Variants in TXNDC11 observed in about 807,000 individuals in gnomAD.
TXNDC11 encodes thioredoxin domain-containing protein 11.
In TXNDC11, 68 loss-of-function variants were observed where a neutral mutation model predicts 78.0. The observed-to-expected ratio is 0.87, with a 90% CI of 0.72 to 1.07. The LOEUF is 1.07. TXNDC11 is among the 50% of genes least tolerant of loss of function. The pLI, the probability that TXNDC11 is intolerant of heterozygous loss-of-function variation, is 0.00. For synonymous variants in TXNDC11, 571 were observed against 495.2 expected (o/e 1.15, Z -2.03); for missense variants, 1,389 against 1,221.8 (o/e 1.14, Z -2.04).
rs552963155 is a variant in TXNDC11, at chr16:11,730,783, A to AAAAAAT, written c.570-15_570-10dup. The AAAAAAT allele has an allele frequency of 2.1e-5, 32 of 1,530,500 alleles. No individual in the cohort carries two copies. In the Middle Eastern group the frequency reaches 8.8e-4, roughly 42 times the overall value. The allele number at this position is 1,530,500 out of a possible 1,614,324, so 94.8% of individuals were successfully genotyped here. On this transcript the variant is annotated splice_polypyrimidine_tract_variant and intron_variant, in intron 3 of 11. Coordinates refer to ENST00000283033, the MANE Select transcript of TXNDC11 (RefSeq NM_015914.7). ...ATTCGATTGGTCCAAAACTAGTACCAAAAAATAAAAATAAAAATAAAAATA... is the reference window on the plus strand; with the variant it reads ...ATTCGATTGGTCCAAAACTAGTACCAAAAAATAAAAATAAAAATAAAAATAAAAATA...
chr16:11,713,752 A>G (rs950618383), intron 5 of TXNDC11, among the ~76,000 whole-genome samples: 3 of 152,054 alleles, frequency 2.0e-5, no homozygotes, highest in Non-Finnish European at 4.4e-5. Flanking sequence ...ATTTTAATCT[A>G]TATTAGTCAG....
chr16:11,688,870 C>T (rs1197706177), intron 8 of TXNDC11, among the ~76,000 whole-genome samples: 2 of 152,100 alleles, frequency 1.3e-5, no homozygotes, highest in Non-Finnish European at 2.9e-5. Context: ...TGTTTAAATG[C>T]TCATTAATTT....
chr16:11,686,561 C>G (rs1481315992), intron 10 of TXNDC11, among the ~76,000 whole-genome samples: 1 of 152,172 alleles, frequency 6.6e-6, no homozygotes, highest in African/African-American at 2.4e-5. Flanking sequence ...TGGCAATGTA[C>G]TCATTCCATT....
chr16:11,709,406 C>T (rs1428842736), intron 5 of TXNDC11, among the ~76,000 whole-genome samples: 3 of 143,872 alleles, frequency 2.1e-5, no homozygotes, highest in Non-Finnish European at 3.0e-5. Context: ...CACCACCATG[C>T]GTAGCTAATT....
chr16:11,740,924 C>A (rs919835849), intron 1 of TXNDC11, among the ~76,000 whole-genome samples: 1 of 152,156 alleles, frequency 6.6e-6, no homozygotes, highest in African/African-American at 2.4e-5. Flanking sequence ...CCCAAGCAGG[C>A]AATTTTGCTC....
intron 5 of TXNDC11, among the ~76,000 whole-genome samples, chr16:11,714,046 A>AT (rs34976718): frequency 0.47 from 69,397 of 148,546 alleles, 16,214 homozygotes; most frequent in Middle Eastern, 0.56. Flanking sequence ...TATCCTTCAG[A>AT]TTTTTTTTTT....
At chr16:11,731,489 C>T (rs2052044836) in intron 3 of TXNDC11, among the ~76,000 whole-genome samples, 1 of 152,122 alleles carries the variant, frequency 6.6e-6, no homozygotes, top group Non-Finnish European at 1.5e-5. Flanking sequence ...CAGTCTCACA[C>T]AATACAGACA....
Position 11,691,848 on chromosome 16 carries a change from G to C in TXNDC11, c.1342C>G (p.Gln448Glu). 1.2e-6 allele frequency: 2 copies of C among 1,614,252 alleles called. No individual in the cohort carries two copies. Among genetic ancestry groups the C allele is most frequent in the Non-Finnish European group, 1.7e-6 (2 of 1,180,044 alleles). The change falls in exon 8 of 12, where the codon CAG (glutamine) becomes GAG (glutamate). Residue 448 changes from glutamine (Q) to glutamate (E), a missense_variant. Physicochemically the swap from Gln to Glu is conservative, Grantham distance 29. Coordinates refer to ENST00000283033, the MANE Select transcript of TXNDC11 (RefSeq NM_015914.7). ...CTCGGCTTCATGCCCCCGGAGGTCT[G>C]GTTGACACAGAGTTCACAGACGTTG... ...THNVCELCVN[Q>E]TSGGMKPSSV...
At chr16:11,687,632 T>C (rs1204663180) in intron 10 of TXNDC11, among the ~76,000 whole-genome samples, 7 of 152,146 alleles carry the variant, frequency 4.6e-5, no homozygotes, top group Non-Finnish European at 1.0e-4. Flanking sequence ...ACGAATCTAG[T>C]CAGGGCTAAA....
At position 11,742,517 on chromosome 16, in the gene TXNDC11, G is replaced by C. The variant is rs1471534412; in HGVS notation, c.214C>G (p.Leu72Val). ...AGGGCGAGGAGCAGCGCGCAGCCGA[G>C]CGCCACGGCCCCGCAGAGCAGCTCC... ...RPELLCGAVALGCALLLALKF... is the reference protein window; with the variant it reads ...RPELLCGAVAVGCALLLALKF... Residue 72 changes from leucine to valine, a missense_variant, in exon 1 of 12, where the codon CTC becomes GTC. Transcript: ENST00000283033. 1 of 1,456,330 alleles carries C rather than the reference G, an allele frequency of 6.9e-7. No homozygotes were observed. Among genetic ancestry groups the C allele is most frequent in the East Asian group, 3.0e-5 (1 of 33,438 alleles). The allele number at this position is 1,456,330 out of a possible 1,614,324, so 90.2% of individuals were successfully genotyped here. A position where few individuals can be genotyped will look rare whatever the true frequency, so the allele number is the denominator to read the frequency against.
intron 4 of TXNDC11, among the ~76,000 whole-genome samples, chr16:11,726,303 C>T (rs938852828): frequency 2.0e-5 from 3 of 152,134 alleles, no homozygotes; most frequent in African/African-American, 4.8e-5. Context: ...CACTCTTCGG[C>T]CGTGTGCGGT....
At position 11,734,028 on chromosome 16, in the gene TXNDC11, G is replaced by C; in HGVS notation, c.523C>G (p.Gln175Glu). ...ACAGGAAAATAAAAGAAGTGTTTCT[G>C]TTTTCTGCATTTCCCCTGGTTCCAC... ...CWWNQGKCRKQKHFFYFPVIY... is the reference protein window; with the variant it reads ...CWWNQGKCRKEKHFFYFPVIY... The change falls in exon 3 of 12, where the codon CAG (glutamine) becomes GAG (glutamate). Residue 175 changes from glutamine to glutamate, a missense_variant. Transcript: ENST00000283033. 6.2e-7 allele frequency: 1 copy of C among 1,605,784 alleles called. No individual in the cohort carries two copies. The highest frequency in any genetic ancestry group is 8.5e-7 in the Non-Finnish European group (1 of 1,178,336).
chr16:11,686,270 T>C (rs753315490), intron 10 of TXNDC11, among the ~76,000 whole-genome samples: 3 of 152,370 alleles, frequency 2.0e-5, no homozygotes, highest in South Asian at 2.1e-4. Flanking sequence ...TATCCTTACA[T>C]ATTTTTAAGA....
intron 5 of TXNDC11, among the ~76,000 whole-genome samples, chr16:11,703,132 C>T (rs915635287): frequency 1.3e-5 from 2 of 152,080 alleles, no homozygotes; most frequent in African/African-American, 4.8e-5. Flanking sequence ...ATGTGGCAAA[C>T]CCAACGTGGA....
At chr16:11,702,091 T>C (rs549020183) in intron 5 of TXNDC11, among the ~76,000 whole-genome samples, 57 of 135,148 alleles carry the variant, frequency 4.2e-4, no homozygotes, top group African/African-American at 1.7e-3. Flanking sequence ...TGTATGTATG[T>C]GTATATATAT....
intron 3 of TXNDC11, among the ~76,000 whole-genome samples, chr16:11,731,232 T>G (rs902709079): frequency 3.3e-5 from 5 of 152,230 alleles, no homozygotes; most frequent in Admixed American, 1.3e-4. Flanking sequence ...CAGTCAGCCC[T>G]TGGCCTACTA....
chr16:11,693,679 G>A (rs1349132122), intron 7 of TXNDC11, among the ~76,000 whole-genome samples: 1 of 152,142 alleles, frequency 6.6e-6, no homozygotes, highest in African/African-American at 2.4e-5. Context: ...AAACTACTGG[G>A]TCAAGAAAAG....
intron 4 of TXNDC11, among the ~76,000 whole-genome samples, chr16:11,730,345 T>C (rs576378702): frequency 6.6e-6 from 1 of 152,316 alleles, no homozygotes; most frequent in Non-Finnish European, 1.5e-5. Flanking sequence ...CAGTTGCACA[T>C]AAATTGTAAG....
chr16:11,692,176 C>G, intron 7 of TXNDC11, 94 bp from the exon 8 acceptor site: 1 of 965,632 alleles, frequency 1.0e-6, no homozygotes, highest in East Asian at 2.6e-5. Flanking sequence ...TTTCAGTTAT[C>G]CATGGTCAAC....
Sources: gnomAD v4.1 joint callset for allele counts (sites outside exome capture counted in the v4.1 genomes callset) on GRCh38, gnomAD v4.1.1 for gene constraint, MANE v1.5 for transcripts, NCBI Gene and HGNC (gene_info 2026-07-23, HGNC 2026-07-21) for gene names.